The following INPP4B variants were observed in gnomAD, a reference collection of about 807,000 sequenced individuals.
The protein encoded by INPP4B is inositol polyphosphate-4-phosphatase type II B.
In INPP4B, 55 loss-of-function variants were observed where a neutral mutation model predicts 122.5. The ratio of observed to expected loss-of-function variants is 0.45; its 90% CI spans 0.36 to 0.56. INPP4B has a LOEUF of 0.56. INPP4B is among the 20% of genes least tolerant of loss of function. INPP4B has a pLI of 0.00. For synonymous variants in INPP4B, 403 were observed against 388.7 expected (o/e 1.04, Z -0.43); for missense variants, 1,000 against 1,097.7 (o/e 0.91, Z 1.26).
intron 2 of INPP4B, among the ~76,000 whole-genome samples, chr4:142,540,550 A>G (rs909193930): frequency 6.6e-6 from 1 of 152,142 alleles, no homozygotes; most frequent in African/African-American, 2.4e-5. Context: ...TCTAGAGTGT[A>G]AGAGTAACTT....
At chr4:142,654,957 AAG>A (rs1381207372) in intron 2 of INPP4B, among the ~76,000 whole-genome samples, 1 of 152,142 alleles carries the variant, frequency 6.6e-6, no homozygotes, top group Non-Finnish European at 1.5e-5. Context: ...AGCTGCCAAA[AAG>A]AGAAAGCACT....
chr4:142,555,258 C>T (rs532656860), intron 2 of INPP4B, among the ~76,000 whole-genome samples: 10 of 152,246 alleles, frequency 6.6e-5, no homozygotes, highest in African/African-American at 2.2e-4. Flanking sequence ...ACAGGTCACT[C>T]GGGCACACTG....
intron 11 of INPP4B, among the ~76,000 whole-genome samples, chr4:142,238,786 T>C (rs1202852089): frequency 6.6e-6 from 1 of 152,090 alleles, no homozygotes; most frequent in African/African-American, 2.4e-5. Context: ...ATGATAACAT[T>C]TGATACTTAT....
At chr4:142,668,003 A>C (rs1756402598) in intron 2 of INPP4B, among the ~76,000 whole-genome samples, 1 of 152,218 alleles carries the variant, frequency 6.6e-6, no homozygotes, top group East Asian at 1.9e-4. Flanking sequence ...TTCTTCAAAA[A>C]TTGAAGAATG....
At chr4:142,211,771 T>C (rs779468656) in intron 12 of INPP4B, among the ~76,000 whole-genome samples, 1 of 152,174 alleles carries the variant, frequency 6.6e-6, no homozygotes, top group Non-Finnish European at 1.5e-5. Flanking sequence ...GCCTTTATGA[T>C]TTTATAATCT....
chr4:142,645,883 A>G (rs995164449), intron 2 of INPP4B, among the ~76,000 whole-genome samples: 12 of 152,198 alleles, frequency 7.9e-5, no homozygotes, highest in Non-Finnish European at 2.9e-5. Context: ...AATAAGAAAA[A>G]TGAAAGATCC....
At chr4:142,326,630 A>G (rs957746418) in intron 7 of INPP4B, among the ~76,000 whole-genome samples, 3 of 152,226 alleles carry the variant, frequency 2.0e-5, no homozygotes, top group African/African-American at 7.2e-5. Context: ...CATTATAAAA[A>G]GTGGAGAATC....
intron 1 of INPP4B, among the ~76,000 whole-genome samples, chr4:142,736,967 CA>C (rs1405322576): frequency 6.6e-6 from 1 of 152,030 alleles, no homozygotes; most frequent in Non-Finnish European, 1.5e-5. Context: ...AAAGAGGATA[CA>C]AACAAATGGA....
At chr4:142,137,481 A>G (rs1473883857) in intron 18 of INPP4B, among the ~76,000 whole-genome samples, 22 of 64,254 alleles carry the variant, frequency 3.4e-4, no homozygotes, top group Admixed American at 1.4e-3. Context: ...ATGGGCAAGG[A>G]CTTCATGTCT....
chr4:142,721,146 A>G (rs1560997383), intron 2 of INPP4B, among the ~76,000 whole-genome samples: 1 of 151,840 alleles, frequency 6.6e-6, no homozygotes, highest in Non-Finnish European at 1.5e-5. Context: ...AAAGGAACCA[A>G]TTCCCTCAAA....
chr4:142,477,825 C>T (rs1202928268), intron 2 of INPP4B, among the ~76,000 whole-genome samples: 1 of 152,142 alleles, frequency 6.6e-6, no homozygotes, highest in African/African-American at 2.4e-5. Context: ...CAGATGGATT[C>T]ACAGACAAAT....
intron 10 of INPP4B, among the ~76,000 whole-genome samples, chr4:142,268,706 C>G (rs1428153257): frequency 6.6e-6 from 1 of 152,100 alleles, no homozygotes; most frequent in African/African-American, 2.4e-5. Flanking sequence ...TTAGTGACAA[C>G]ATGGATAAAC....
intron 2 of INPP4B, among the ~76,000 whole-genome samples, chr4:142,692,296 A>AT (rs1481008931): frequency 6.6e-6 from 1 of 152,234 alleles, no homozygotes; most frequent in Non-Finnish European, 1.5e-5. Flanking sequence ...AATATTGAGG[A>AT]TAAAAAAATA....
intron 2 of INPP4B, among the ~76,000 whole-genome samples, chr4:142,701,162 A>C (rs920968228): frequency 6.6e-6 from 1 of 152,180 alleles, no homozygotes; most frequent in African/African-American, 2.4e-5. Flanking sequence ...AGCAGCCTCT[A>C]CTTGAAAGTT....
chr4:142,712,970 A>T (rs1286461543), intron 2 of INPP4B, among the ~76,000 whole-genome samples: 1 of 152,224 alleles, frequency 6.6e-6, no homozygotes, highest in Non-Finnish European at 1.5e-5. Flanking sequence ...TTTGACTCTG[A>T]GGCCAGTGTT....
At chr4:142,634,045 G>T (rs974898289) in intron 2 of INPP4B, among the ~76,000 whole-genome samples, 10 of 151,548 alleles carry the variant, frequency 6.6e-5, no homozygotes, top group African/African-American at 1.7e-4. Context: ...GGAGGGAGGT[G>T]GGGGGAAAAG....
At chr4:142,088,329 T>C (rs1777818250) in intron 23 of INPP4B, among the ~76,000 whole-genome samples, 1 of 152,222 alleles carries the variant, frequency 6.6e-6, no homozygotes, top group Non-Finnish European at 1.5e-5. Context: ...TCACTGCTTT[T>C]AATGTTGATA....
intron 12 of INPP4B, 114 bp from the exon 13 acceptor site, chr4:142,209,140 A>G: frequency 2.9e-6 from 2 of 687,544 alleles, no homozygotes; most frequent in Admixed American, 3.2e-5. Flanking sequence ...AATTCCCAGG[A>G]AAGTTCTATG....
chr4:142,070,565 C>T (rs969050916), intron 25 of INPP4B, among the ~76,000 whole-genome samples: 18 of 152,160 alleles, frequency 1.2e-4, no homozygotes, highest in Non-Finnish European at 2.4e-4. Flanking sequence ...TTGCAGATGA[C>T]ATGATTGTAT....
Sources: gnomAD v4.1 joint callset for allele counts (sites outside exome capture counted in the v4.1 genomes callset) on GRCh38, gnomAD v4.1.1 for gene constraint, MANE v1.5 for transcripts, NCBI Gene and HGNC (gene_info 2026-07-23, HGNC 2026-07-21) for gene names.